Variants in TUSC3 observed in about 807,000 individuals in gnomAD.
TUSC3 encodes tumor suppressor candidate 3.
In TUSC3, 45 loss-of-function variants were observed where a neutral mutation model predicts 44.8. That is an observed-to-expected ratio of 1.00 (90% CI 0.79 to 1.29). TUSC3 has a LOEUF of 1.29. Among genes scored for constraint, TUSC3 ranks in the 50% most tolerant of loss-of-function variants. The pLI is 0.00. For missense variants in TUSC3, 519 were observed against 437.9 expected, an observed-to-expected ratio of 1.19 and a Z score of -1.65; for synonymous variants, 212 against 152.9, an observed-to-expected ratio of 1.39 and a Z score of -2.85.
intron 1 of TUSC3, among the ~76,000 whole-genome samples, chr8:15,607,811 C>A (rs1461475624): frequency 8.6e-5 from 13 of 152,024 alleles, no homozygotes. Flanking sequence ...TATTGATTGA[C>A]TATATGCTAT....
At chr8:15,638,515 CTTTTTTTTTTTTTTTTT>C (rs547743726) in intron 2 of TUSC3, among the ~76,000 whole-genome samples, 5 of 81,110 alleles carry the variant, frequency 6.2e-5, no homozygotes, top group African/African-American at 5.1e-5. Flanking sequence ...TTCTTTTTTT[CTTTTTTTTTTTTTTTTT>C]TTTTTTTGGA....
chr8:15,515,550 T>C (rs1359583103), intron 2 of TUSC3, among the ~76,000 whole-genome samples: 2 of 152,206 alleles, frequency 1.3e-5, no homozygotes, highest in Non-Finnish European at 2.9e-5. Flanking sequence ...GAAACCAGAT[T>C]TGAAGACTGT....
intron 2 of TUSC3, among the ~76,000 whole-genome samples, chr8:15,527,132 C>T (rs1801383488): frequency 6.6e-6 from 1 of 152,152 alleles, no homozygotes; most frequent in Non-Finnish European, 1.5e-5. Flanking sequence ...TTAGCTGTCC[C>T]ACTTAAAAGA....
intron 7 of TUSC3, among the ~76,000 whole-genome samples, chr8:15,738,829 T>TTTTTTCTTCTTTC (rs1472188976): frequency 1.9e-4 from 22 of 117,746 alleles, no homozygotes; most frequent in African/African-American, 6.8e-4. Context: ...ATATCTTGCT[T>TTTTTTCTTCTTTC]TTTTTTTTTT....
intron 6 of TUSC3, among the ~76,000 whole-genome samples, chr8:15,675,205 G>T (rs1808130317): frequency 6.6e-6 from 1 of 152,058 alleles, no homozygotes; most frequent in African/African-American, 2.4e-5. Flanking sequence ...CTGATGCAAA[G>T]ATCTGATCGC....
At chr8:15,467,767 T>C (rs1800432550) in intron 1 of TUSC3, among the ~76,000 whole-genome samples, 1 of 152,194 alleles carries the variant, frequency 6.6e-6, no homozygotes, top group African/African-American at 2.4e-5. Flanking sequence ...ATTACGTTTG[T>C]TCTCTGTCTT....
chr8:15,561,851 C>A (rs928753621), intron 1 of TUSC3, among the ~76,000 whole-genome samples: 2 of 152,136 alleles, frequency 1.3e-5, no homozygotes, highest in Non-Finnish European at 2.9e-5. Context: ...CAATGCCTCG[C>A]CCTGTTTCGG....
At chr8:15,457,172 T>TG (rs1388962483) in intron 1 of TUSC3, among the ~76,000 whole-genome samples, 1 of 24,830 alleles carries the variant, frequency 4.0e-5, no homozygotes. Flanking sequence ...TGTTGTGAGG[T>TG]GGGGGGAGGG....
At chr8:15,500,537 A>G (rs1800945750) in intron 2 of TUSC3, among the ~76,000 whole-genome samples, 1 of 152,194 alleles carries the variant, frequency 6.6e-6, no homozygotes, top group Non-Finnish European at 1.5e-5. Context: ...CAGTTGATCT[A>G]AGACAGTTTA....
At chr8:15,481,394 C>T (rs141716852) in intron 1 of TUSC3, among the ~76,000 whole-genome samples, 1 of 152,156 alleles carries the variant, frequency 6.6e-6, no homozygotes, top group Non-Finnish European at 1.5e-5. Flanking sequence ...AGTTCAGACC[C>T]CTCTTGTTCC....
intron 2 of TUSC3, among the ~76,000 whole-genome samples, chr8:15,520,566 T>A (rs1043750383): frequency 6.6e-6 from 1 of 152,202 alleles, no homozygotes; most frequent in African/African-American, 2.4e-5. Flanking sequence ...TGCCTCTGTG[T>A]TGTATTAAAC....
At chr8:15,445,176 ATCTCC>A (rs1800077724) in intron 1 of TUSC3, among the ~76,000 whole-genome samples, 1 of 152,178 alleles carries the variant, frequency 6.6e-6, no homozygotes, top group Non-Finnish European at 1.5e-5. Context: ...TCTGGATGGG[ATCTCC>A]TTGGATTAGG....
intron 6 of TUSC3, among the ~76,000 whole-genome samples, chr8:15,683,819 C>A (rs527566966): frequency 2.6e-5 from 4 of 151,912 alleles, no homozygotes; most frequent in African/African-American, 9.7e-5. Context: ...TTTTTATGTT[C>A]TTTTTTCCTT....
intron 1 of TUSC3, among the ~76,000 whole-genome samples, chr8:15,437,298 T>A (rs1228394619): frequency 6.6e-6 from 1 of 152,148 alleles, no homozygotes; most frequent in African/African-American, 2.4e-5. Flanking sequence ...GCAAAAGGGG[T>A]TATAAACTTG....
chr8:15,470,085 G>A (rs927442381), intron 1 of TUSC3, among the ~76,000 whole-genome samples: 33 of 149,158 alleles, frequency 2.2e-4, no homozygotes, highest in East Asian at 5.9e-4. Context: ...GGAAAACCTC[G>A]TCCCTACAAA....
chr8:15,567,220 T>C (rs1802710303), intron 1 of TUSC3, among the ~76,000 whole-genome samples: 1 of 152,102 alleles, frequency 6.6e-6, no homozygotes, highest in African/African-American at 2.4e-5. Context: ...TTCGGGGCAG[T>C]GGGGAAGTGG....
At chr8:15,663,936 A>C (rs958238074) in intron 5 of TUSC3, among the ~76,000 whole-genome samples, 5 of 151,878 alleles carry the variant, frequency 3.3e-5, no homozygotes, top group African/African-American at 9.7e-5. Flanking sequence ...AAATCTTGTC[A>C]CTATTTTAGT....
chr8:15,753,173 TTTC>T lies in TUSC3; in HGVS notation c.1029-4615_1029-4613del, dbSNP rs1366295202. ...CTCAGATCATTTCTGAGATTTGTTC[TTTC>T]TTATCTGAATTTCATGACTTAGTTA... On this transcript the variant is annotated intron_variant, in intron 9 of 10. Transcript: ENST00000503731. 2.0e-5 allele frequency among the ~76,000 whole-genome samples: 3 copies of T among 152,074 alleles called. No homozygotes were observed. The East Asian group carries it at 5.8e-4, about 29-fold the overall frequency.
chr8:15,453,302 C>A (rs1800216916), intron 1 of TUSC3, among the ~76,000 whole-genome samples: 1 of 152,134 alleles, frequency 6.6e-6, no homozygotes. Context: ...GCAATAAACT[C>A]TTCTTCCTAA....
Sources: allele counts gnomAD v4.1 joint callset (sites outside exome capture counted in the v4.1 genomes callset), GRCh38; gene constraint gnomAD v4.1.1; transcripts MANE v1.5; gene names NCBI Gene and HGNC (gene_info 2026-07-23, HGNC 2026-07-21).